Variants in GPC6 observed in about 807,000 individuals in gnomAD.
GPC6 encodes the protein glypican-6.
In GPC6, 14 loss-of-function variants were observed where a neutral mutation model predicts 55.2. The ratio of observed to expected loss-of-function variants is 0.25; its 90% CI spans 0.17 to 0.40. The LOEUF is 0.40. Ranked by LOEUF, GPC6 falls within the 10% of genes least tolerant of loss-of-function variation. The probability of loss-of-function intolerance (pLI) is 1.00; values close to 1 mark genes in which losing one functional copy is unlikely to be tolerated. For synonymous variants in GPC6, 278 were observed against 259.6 expected, an observed-to-expected ratio of 1.07 and a Z score of -0.68; for missense variants, 641 against 708.5, an observed-to-expected ratio of 0.90 and a Z score of 1.08.
At chr13:94,250,661 C>A (rs1404584326) in intron 4 of GPC6, among the ~76,000 whole-genome samples, 1 of 152,082 alleles carries the variant, frequency 6.6e-6, no homozygotes, top group African/African-American at 2.4e-5. Context: ...GATTACAACT[C>A]CCCTGTGAGA....
intron 1 of GPC6, among the ~76,000 whole-genome samples, chr13:93,497,372 A>G (rs1035933908): frequency 5.3e-5 from 8 of 152,206 alleles, no homozygotes; most frequent in African/African-American, 1.9e-4. Flanking sequence ...CATAAAATAA[A>G]GGATTACAGA....
At chr13:93,877,247 T>A (rs1302400069) in intron 3 of GPC6, among the ~76,000 whole-genome samples, 1 of 152,022 alleles carries the variant, frequency 6.6e-6, no homozygotes, top group East Asian at 1.9e-4. Context: ...ATACGGCCTA[T>A]TTTACAGTTA....
At chr13:93,378,910 G>A (rs1048293625) in intron 1 of GPC6, among the ~76,000 whole-genome samples, 3 of 150,882 alleles carry the variant, frequency 2.0e-5, no homozygotes, top group Non-Finnish European at 2.9e-5. Flanking sequence ...CAGGAGAATC[G>A]CATGAACCCA....
At chr13:93,827,772 T>G (rs2138976216) in intron 2 of GPC6, among the ~76,000 whole-genome samples, 1 of 152,262 alleles carries the variant, frequency 6.6e-6, no homozygotes, top group African/African-American at 2.4e-5. Context: ...TCACAAATAC[T>G]AATTTAAACT....
chr13:94,231,182 C>T (rs1890716253), intron 4 of GPC6, among the ~76,000 whole-genome samples: 1 of 152,120 alleles, frequency 6.6e-6, no homozygotes. Context: ...AAATAATAAA[C>T]ACTGCCGTGT....
intron 4 of GPC6, among the ~76,000 whole-genome samples, chr13:94,042,033 G>A (rs1883555846): frequency 6.6e-6 from 1 of 151,762 alleles, no homozygotes; most frequent in Non-Finnish European, 1.5e-5. Context: ...GGAGATGATT[G>A]GATCATGTTG....
At chr13:93,773,695 T>G (rs1885373674) in intron 2 of GPC6, among the ~76,000 whole-genome samples, 1 of 152,108 alleles carries the variant, frequency 6.6e-6, no homozygotes, top group Admixed American at 6.6e-5. Flanking sequence ...CTTTTCAAAA[T>G]ATTATCTGTG....
chr13:93,783,861 C>G (rs1475962211), intron 2 of GPC6, among the ~76,000 whole-genome samples: 1 of 152,170 alleles, frequency 6.6e-6, no homozygotes, highest in Non-Finnish European at 1.5e-5. Context: ...ATGTGAAAGT[C>G]ATTCATTCTT....
rs148461277 is a variant in GPC6 at position 93,343,069 on chromosome 13, A to G, written c.160+115453A>G. The stretch of plus-strand genomic sequence containing the variant: ...TATCTTTACTCAATGCACTAAATAT[A>G]TAAATAAATAGATGTGGTATTTGTT... On this transcript the variant is annotated intron_variant, in intron 1 of 8. Transcript: ENST00000377047. Among the ~76,000 whole-genome samples, 9 of 152,312 alleles carry G rather than the reference A, an allele frequency of 5.9e-5. No individual in the cohort carries two copies. The East Asian group carries it at 1.7e-3, about 29-fold the overall frequency.
chr13:94,179,928 T>A (rs1182330821), intron 4 of GPC6, among the ~76,000 whole-genome samples: 1 of 152,202 alleles, frequency 6.6e-6, no homozygotes, highest in Non-Finnish European at 1.5e-5. Context: ...ATGTTGCTAT[T>A]CGTATTCAAA....
At chr13:93,788,196 T>G (rs1019094383) in intron 2 of GPC6, among the ~76,000 whole-genome samples, 3 of 152,140 alleles carry the variant, frequency 2.0e-5, no homozygotes, top group African/African-American at 7.2e-5. Flanking sequence ...GATTGTCTGG[T>G]GAAGGCTGCT....
chr13:93,335,656 A>T (rs1229981618), intron 1 of GPC6, among the ~76,000 whole-genome samples: 1 of 152,210 alleles, frequency 6.6e-6, no homozygotes, highest in Non-Finnish European at 1.5e-5. Context: ...TGACTTAGAT[A>T]GGCCTTGCAG....
At chr13:94,252,602 CCCA>C (rs893880280) in intron 4 of GPC6, among the ~76,000 whole-genome samples, 13 of 152,150 alleles carry the variant, frequency 8.5e-5, no homozygotes, top group African/African-American at 1.7e-4. Flanking sequence ...CTCCCCTGTA[CCCA>C]CCACCACCAA....
At chr13:93,875,397 A>C (rs1428234065) in intron 3 of GPC6, among the ~76,000 whole-genome samples, 1 of 152,044 alleles carries the variant, frequency 6.6e-6, no homozygotes, top group Non-Finnish European at 1.5e-5. Flanking sequence ...TCTCCTTAAT[A>C]ACTTTTTTAA....
At position 94,141,026 on chromosome 13, in the gene GPC6, T is replaced by C. The variant is rs139962885; in HGVS notation, c.877+113132T>C. ...ACAAACAAAAGACCTCTTTAAGATA[T>C]GTAAAGAGGCTTATTCTGAGCCAGT... On this transcript the variant is annotated intron_variant, in intron 4 of 8. Transcript: ENST00000377047. Among the ~76,000 whole-genome samples, 199 of 152,062 alleles carry C rather than the reference T, an allele frequency of 1.3e-3. 3 individuals are homozygous for C. Among genetic ancestry groups the C allele is most frequent in the South Asian group, 0.012 (60 of 4,816 alleles).
upstream of GPC6, among the ~76,000 whole-genome samples, chr13:93,225,486 GT>G (rs66859110): frequency 0.27 from 40,845 of 151,396 alleles, 5,680 homozygotes; most frequent in East Asian, 0.38. Flanking sequence ...TAGCTATGGA[GT>G]TTTTTTTTTT....
intron 2 of GPC6, among the ~76,000 whole-genome samples, chr13:93,617,789 A>T (rs756743897): frequency 4.6e-5 from 7 of 152,088 alleles, no homozygotes; most frequent in Non-Finnish European, 1.0e-4. Context: ...ATACTCTATA[A>T]CCTATTTGCT....
chr13:94,003,983 G>T lies in GPC6; in HGVS notation c.712-23746G>T, dbSNP rs1594658604. Among the ~76,000 whole-genome samples, 3 of 152,238 alleles carry T rather than the reference G, an allele frequency of 2.0e-5. No individual in the cohort carries two copies. The East Asian group carries it at 5.8e-4, about 29-fold the overall frequency. On this transcript the variant is annotated intron_variant, in intron 3 of 8. Transcript: ENST00000377047. The stretch of plus-strand genomic sequence containing the variant: ...TTACTGCTAATAGTACATAATCAAA[G>T]ATACAGGCAAATTAATGAACTACTT...
At chr13:93,474,812 T>A (rs960964315) in intron 1 of GPC6, among the ~76,000 whole-genome samples, 73 of 152,190 alleles carry the variant, frequency 4.8e-4, no homozygotes, top group Non-Finnish European at 8.5e-4. Flanking sequence ...GGTCGAAACT[T>A]TTTTATTCCA....
Sources: gnomAD v4.1 joint callset for allele counts (sites outside exome capture counted in the v4.1 genomes callset) on GRCh38, gnomAD v4.1.1 for gene constraint, MANE v1.5 for transcripts, NCBI Gene and HGNC (gene_info 2026-07-23, HGNC 2026-07-21) for gene names.